Variants in ERICH3 observed in about 807,000 individuals in gnomAD.
ERICH3 encodes glutamate-rich protein 3.
Under a neutral mutation model 131.1 loss-of-function variants are expected in ERICH3, and 126 were observed. That is an observed-to-expected ratio of 0.96 (90% CI 0.83 to 1.11). The LOEUF is 1.11. Among genes scored for constraint, ERICH3 ranks in the 50% most tolerant of loss-of-function variants. The probability of loss-of-function intolerance (pLI) is 0.00; values close to 1 mark genes in which losing one functional copy is unlikely to be tolerated. For synonymous variants in ERICH3, 695 were observed against 644.6 expected (o/e 1.08, Z -1.18); for missense variants, 2,050 against 1,810.7 (o/e 1.13, Z -2.40).
intron 9 of ERICH3, among the ~76,000 whole-genome samples, chr1:74,608,038 C>T (rs1010026553): frequency 1.3e-5 from 2 of 151,910 alleles, no homozygotes; most frequent in African/African-American, 2.4e-5. Context: ...TCACCCAGTA[C>T]GTGGGTGATG....
Position 74,606,884 on chromosome 1 carries a change from GC to G in ERICH3, c.1205del (p.Gly402AlafsTer23). On this transcript the variant is annotated frameshift_variant, in exon 10 of 15. Coordinates refer to ENST00000326665, the MANE Select transcript of ERICH3 (RefSeq NM_001002912.5). LOFTEE classifies it high-confidence loss of function. ...TCGGCAAAGACGGTTTTTTGTCAAG[GC>G]CCATTGCAATAATGCACCTATGAAA... ...SPCYKCIIAM[G>X]LDKKPSLPKS... 2 of 1,611,454 alleles carry G rather than the reference GC, an allele frequency of 1.2e-6. No individual in the cohort carries two copies. The highest frequency in any genetic ancestry group is 1.7e-6 in the Non-Finnish European group (2 of 1,178,776).
At position 74,641,936 on chromosome 1, in the gene ERICH3, C is replaced by T. The variant is rs1032908519; in HGVS notation, c.316-477G>A. 3.9e-5 allele frequency among the ~76,000 whole-genome samples: 6 copies of T among 152,086 alleles called. No individual in the cohort carries two copies. The East Asian group carries it at 5.8e-4, about 15-fold the overall frequency. On this transcript the variant is annotated intron_variant, in intron 4 of 14. Coordinates refer to ENST00000326665, the MANE Select transcript of ERICH3 (RefSeq NM_001002912.5). ...CAAGGGTAGCAAATCTCTGACAATGCTACAATATGCCCATGTACTTCCTTT... is the reference window on the plus strand; with the variant it reads ...CAAGGGTAGCAAATCTCTGACAATGTTACAATATGCCCATGTACTTCCTTT...
intron 1 of ERICH3, among the ~76,000 whole-genome samples, chr1:74,662,027 G>T (rs974882907): frequency 1.3e-5 from 2 of 152,162 alleles, no homozygotes; most frequent in African/African-American, 4.8e-5. Context: ...TCTTTGAAGT[G>T]TTCCCATTTT....
chr1:74,639,511 T>C (rs1646419387), intron 5 of ERICH3, among the ~76,000 whole-genome samples: 1 of 152,182 alleles, frequency 6.6e-6, no homozygotes, highest in African/African-American at 2.4e-5. Context: ...GTGTGTAATA[T>C]ATTTTCTTGG....
chr1:74,662,803 T>TG (rs1646655431), intron 1 of ERICH3, among the ~76,000 whole-genome samples: 1 of 152,158 alleles, frequency 6.6e-6, no homozygotes, highest in South Asian at 2.1e-4. Flanking sequence ...AATAGACTAC[T>TG]GCAGTGATGA....
chr1:74,631,571 G>A (rs1381476612), intron 7 of ERICH3, 142 bp downstream of exon 7: 3 of 668,638 alleles, frequency 4.5e-6, no homozygotes, highest in Non-Finnish European at 7.6e-6. Context: ...ATACATTCAA[G>A]CTTACTTATA....
At position 74,643,047 on chromosome 1, in the gene ERICH3, C is replaced by T; in HGVS notation, c.295G>A (p.Glu99Lys). ...KKKLETLARK[E>K]RIQRFKGEHT... The stretch of plus-strand genomic sequence containing the variant: ...CTTACCTTAAACCTCTGGATTCGCT[C>T]CTTCCTAGCTAAGGTCTCCAATTTC... Residue 99 changes from glutamate (E) to lysine (K), a missense_variant, in exon 4 of 15, where the codon GAG becomes AAG. Coordinates refer to ENST00000326665, the MANE Select transcript of ERICH3 (RefSeq NM_001002912.5). The T allele has an allele frequency of 3.1e-6, 5 of 1,610,708 alleles. No individual in the cohort carries two copies. Among genetic ancestry groups the T allele is most frequent in the Admixed American group, 1.7e-5 (1 of 59,854 alleles).
At chr1:74,575,121 C>G (rs1647028088) in intron 13 of ERICH3, among the ~76,000 whole-genome samples, 1 of 152,134 alleles carries the variant, frequency 6.6e-6, no homozygotes, top group African/African-American at 2.4e-5. Context: ...AAGTCCTGAT[C>G]TTACTCACTT....
chr1:74,586,254 G>A (rs1451319776), intron 12 of ERICH3: 3 of 315,692 alleles, frequency 9.5e-6, no homozygotes, highest in Middle Eastern at 1.7e-3. Context: ...AAGATACAGT[G>A]TTAAGTGAAA....
intron 9 of ERICH3, among the ~76,000 whole-genome samples, chr1:74,610,694 CT>C (rs1172384950): frequency 6.6e-6 from 1 of 151,898 alleles, no homozygotes; most frequent in African/African-American, 2.4e-5. Context: ...TAGCAAAACT[CT>C]TTTAAAAACT....
At chr1:74,614,490 C>T (rs1292988034) in intron 8 of ERICH3, among the ~76,000 whole-genome samples, 1 of 150,276 alleles carries the variant, frequency 6.7e-6, no homozygotes, top group Non-Finnish European at 1.5e-5. Flanking sequence ...TCCTGGCTAA[C>T]ACGGTGAAAC....
intron 11 of ERICH3, among the ~76,000 whole-genome samples, chr1:74,593,821 G>A (rs1415305681): frequency 4.6e-5 from 7 of 152,102 alleles, no homozygotes; most frequent in Non-Finnish European, 1.0e-4. Context: ...CTAGTAAGTA[G>A]CAAGTTTTTG....
At chr1:74,637,996 A>G (rs904287228) in intron 5 of ERICH3, among the ~76,000 whole-genome samples, 5 of 152,176 alleles carry the variant, frequency 3.3e-5, no homozygotes, top group Non-Finnish European at 5.9e-5. Flanking sequence ...AAAATAGTAG[A>G]AAGTCTATCA....
chr1:74,609,329 C>T (rs1648575559), intron 9 of ERICH3, among the ~76,000 whole-genome samples: 1 of 151,920 alleles, frequency 6.6e-6, no homozygotes, highest in Admixed American at 6.6e-5. Flanking sequence ...ACCATGCCCT[C>T]CTTTTTCTCA....
chr1:74,654,102 T>C (rs150501373), intron 1 of ERICH3, among the ~76,000 whole-genome samples: 1 of 152,290 alleles, frequency 6.6e-6, no homozygotes, highest in African/African-American at 2.4e-5. Flanking sequence ...ACCATCTGTA[T>C]TTCCACCAAT....
At chr1:74,667,814 G>T (rs964810411) in intron 1 of ERICH3, among the ~76,000 whole-genome samples, 1 of 152,096 alleles carries the variant, frequency 6.6e-6, no homozygotes, top group African/African-American at 2.4e-5. Flanking sequence ...GATATCGTTT[G>T]GCTCTGTGTC....
chr1:74,572,259 C>T lies in ERICH3; in HGVS notation c.3451G>A (p.Glu1151Lys). ...GCTTCAAATATGGGAACCACTGTCTCTTTTAGTGAATCTTCTCCTAGAAGC... is the reference window on the plus strand; with the variant it reads ...GCTTCAAATATGGGAACCACTGTCTTTTTTAGTGAATCTTCTCCTAGAAGC... ...PGLLGEDSLKETVVPIFEATP... is the reference protein window; with the variant it reads ...PGLLGEDSLKKTVVPIFEATP... The change falls in exon 14 of 15, where the codon GAG becomes AAG. Residue 1151 changes from glutamate to lysine, a missense_variant. Physicochemically the swap from Glu to Lys is moderately conservative, Grantham distance 56. Transcript: ENST00000326665. 6.2e-7 allele frequency: 1 copy of T among 1,614,124 alleles called. No homozygotes were observed. Among genetic ancestry groups the T allele is most frequent in the South Asian group, 1.1e-5 (1 of 91,086 alleles).
At chr1:74,656,073 G>A (rs367653214) in intron 1 of ERICH3, among the ~76,000 whole-genome samples, 1 of 152,102 alleles carries the variant, frequency 6.6e-6, no homozygotes, top group African/African-American at 2.4e-5. Flanking sequence ...TGCCCAGCAG[G>A]CCTGAACCCA....
chr1:74,639,182 C>A (rs1017723880), intron 5 of ERICH3, among the ~76,000 whole-genome samples: 1 of 152,108 alleles, frequency 6.6e-6, no homozygotes, highest in Non-Finnish European at 1.5e-5. Context: ...TTCTTTTGAA[C>A]TTTGTAAAAC....
Sources: allele counts gnomAD v4.1 joint callset (sites outside exome capture counted in the v4.1 genomes callset), GRCh38; gene constraint gnomAD v4.1.1; transcripts MANE v1.5; gene names NCBI Gene and HGNC (gene_info 2026-07-23, HGNC 2026-07-21).